ARHGEF11: variants seen among roughly 807,000 people sequenced by gnomAD.
ARHGEF11 encodes the protein Rho guanine nucleotide exchange factor 11.
In ARHGEF11, 55 loss-of-function variants were observed where a neutral mutation model predicts 193.7. That is an observed-to-expected ratio of 0.28 (90% CI 0.23 to 0.36). ARHGEF11 has a LOEUF of 0.36. ARHGEF11 is among the 10% of genes least tolerant of loss of function. ARHGEF11 has a pLI of 1.00. For synonymous variants in ARHGEF11, 693 were observed against 768.0 expected, an observed-to-expected ratio of 0.90 and a Z score of 1.62; for missense variants, 1,723 against 2,005.6, an observed-to-expected ratio of 0.86 and a Z score of 2.69.
chr1:156,937,362 C>A lies in ARHGEF11; in HGVS notation c.4327G>T (p.Gly1443Cys), dbSNP rs201325770. 1.4e-5 allele frequency: 23 copies of A among 1,611,736 alleles called. No individual in the cohort carries two copies. Among genetic ancestry groups the A allele is most frequent in the African/African-American group, 1.3e-4 (10 of 74,998 alleles). Reference sequence around the variant, plus strand: ...CTGGGGCGTCTTGGATCATCGTTGCCTCCCTGCAGCTGAGGCTGAGGCTCT... The same window carrying A: ...CTGGGGCGTCTTGGATCATCGTTGCATCCCTGCAGCTGAGGCTGAGGCTCT... ...QTEPQPQLQG[G>C]NDDPRRPSRS... Residue 1443 changes from glycine (G) to cysteine (C), a missense_variant, in exon 39 of 41, where the codon GGC becomes TGC. Gly to Cys is a radical substitution (Grantham distance 159). Coordinates refer to ENST00000368194, the MANE Select transcript of ARHGEF11 (RefSeq NM_198236.3).
upstream of ARHGEF11, among the ~76,000 whole-genome samples, chr1:157,046,540 G>A (rs1489818740): frequency 6.6e-6 from 1 of 152,096 alleles, no homozygotes; most frequent in Non-Finnish European, 1.5e-5. Context: ...CGTTTCTGTG[G>A]TCCTTCCCAC....
Position 156,935,920 on chromosome 1 carries a change from TC to T in ARHGEF11, c.*79del, listed in dbSNP as rs796109172. 44 of 1,459,082 alleles carry T rather than the reference TC, an allele frequency of 3.0e-5. 1 individual carries two copies. In the African/African-American group the frequency reaches 4.8e-4, roughly 16 times the overall value. 90.4% of individuals were successfully genotyped at this position (1,459,082 alleles called of 1,614,324 possible). ...TCCTCCACAGGGAGGAGTGTTGGGATCCCCCCTACCCTGTGCCCCGGTCTCA... is the reference window on the plus strand; with the variant it reads ...TCCTCCACAGGGAGGAGTGTTGGGATCCCCCTACCCTGTGCCCCGGTCTCA... On this transcript the variant is annotated 3_prime_UTR_variant, in exon 41 of 41. Coordinates refer to ENST00000368194, the MANE Select transcript of ARHGEF11 (RefSeq NM_198236.3).
Position 156,984,425 on chromosome 1 carries a change from C to CG in ARHGEF11, c.136dup (p.Arg46ProfsTer55). 6.3e-7 allele frequency: 1 copy of CG among 1,591,334 alleles called. No individual in the cohort carries two copies. The highest frequency in any genetic ancestry group is 8.6e-7 in the Non-Finnish European group (1 of 1,168,232). ...CTGGTCCTTTTGGATAATGACACAG[C>CG]GTTGAACGAGACCTGGAAGGCGGAG... On this transcript the variant is annotated frameshift_variant, in exon 3 of 41. Coordinates refer to ENST00000368194, the MANE Select transcript of ARHGEF11 (RefSeq NM_198236.3). LOFTEE classifies it high-confidence loss of function.
chr1:157,022,223 G>C (rs1345763050), intron 1 of ARHGEF11, among the ~76,000 whole-genome samples: 1 of 152,152 alleles, frequency 6.6e-6, no homozygotes, highest in Non-Finnish European at 1.5e-5. Context: ...ATCCACGTGG[G>C]AAAGGAAGAA....
At chr1:156,956,392 G>A (rs1037101994) in intron 19 of ARHGEF11, 28 bp downstream of exon 19, 1 of 1,612,884 alleles carries the variant, frequency 6.2e-7, no homozygotes, top group African/African-American at 1.3e-5. Context: ...TAGGATTACA[G>A]GCATGAGCCA....
At chr1:156,951,527 G>T in intron 22 of ARHGEF11, 46 bp downstream of exon 22, 1 of 1,609,488 alleles carries the variant, frequency 6.2e-7, no homozygotes, top group South Asian at 1.1e-5. Flanking sequence ...CCCTGCCCAT[G>T]ACCCACTCTT....
intron 1 of ARHGEF11, among the ~76,000 whole-genome samples, chr1:157,012,177 C>T (rs1162423468): frequency 6.6e-6 from 1 of 152,140 alleles, no homozygotes; most frequent in Admixed American, 6.5e-5. Context: ...CTGATACATG[C>T]TACAACATGG....
intron 1 of ARHGEF11, among the ~76,000 whole-genome samples, chr1:157,043,200 C>A (rs1672969559): frequency 6.6e-6 from 1 of 152,204 alleles, no homozygotes. Context: ...ATGGAGGGAA[C>A]AATTGCTCCC....
intron 26 of ARHGEF11, 40 bp downstream of exon 26, chr1:156,947,264 G>A: frequency 1.9e-6 from 3 of 1,569,908 alleles, no homozygotes; most frequent in Non-Finnish European, 2.6e-6. Context: ...GAAGCTGAAG[G>A]GCAGCAGAAG....
At chr1:156,961,084 C>T in intron 14 of ARHGEF11, among the ~76,000 whole-genome samples, 1 of 152,242 alleles carries the variant, frequency 6.6e-6, no homozygotes, top group East Asian at 1.9e-4. Flanking sequence ...ATAAAGTCAC[C>T]TTGGAATTAG....
chr1:156,952,380 C>A (rs1659242935), intron 21 of ARHGEF11, among the ~76,000 whole-genome samples: 1 of 152,132 alleles, frequency 6.6e-6, no homozygotes, highest in South Asian at 2.1e-4. Context: ...CAACTACAGC[C>A]CCTGGAGAAC....
intron 32 of ARHGEF11, 108 bp downstream of exon 32, chr1:156,943,827 G>A: frequency 1.5e-6 from 2 of 1,344,482 alleles, no homozygotes; most frequent in Non-Finnish European, 2.0e-6. Context: ...AAGGAACACA[G>A]GTGGACAGGT....
intron 7 of ARHGEF11, 52 bp downstream of exon 7, chr1:156,976,931 A>C (rs1026655424): frequency 4.6e-6 from 7 of 1,506,236 alleles, no homozygotes; most frequent in Non-Finnish European, 5.5e-6. Context: ...TGCTCTGATA[A>C]AGTATTATTT....
Position 156,970,020 on chromosome 1 carries a change from G to A in ARHGEF11, c.726C>T (p.Asp242=). 3 of 1,614,006 alleles carry A rather than the reference G, an allele frequency of 1.9e-6. No individual in the cohort carries two copies. Among genetic ancestry groups the A allele is most frequent in the Non-Finnish European group, 2.5e-6 (3 of 1,179,886 alleles). The part of the protein sequence containing the change: ...GSVDILPLYG[D]TSQRPSEGRL... ...TACCTTCTGATGGTCTCTGGCTGGT[G>A]TCACCATATAGTGGAAGTATGTCCT... The change falls in exon 9 of 41, where the codon GAC becomes GAT. Residue 242 remains aspartate, a synonymous_variant. Coordinates refer to ENST00000368194, the MANE Select transcript of ARHGEF11 (RefSeq NM_198236.3).
chr1:156,961,205 C>T (rs929289274), intron 14 of ARHGEF11, among the ~76,000 whole-genome samples: 6 of 152,232 alleles, frequency 3.9e-5, no homozygotes, highest in African/African-American at 7.2e-5. Context: ...CAATGCACAG[C>T]GTGCTGTCTA....
intron 30 of ARHGEF11, 90 bp downstream of exon 30, chr1:156,944,929 T>G (rs1389375587): frequency 6.7e-7 from 1 of 1,500,314 alleles, no homozygotes; most frequent in Admixed American, 2.0e-5. Flanking sequence ...GTCTCCTACC[T>G]CTAAGACTCT....
rs188240844 is a variant in ARHGEF11 at position 156,993,915 on chromosome 1, T to C, written c.33-7742A>G. On this transcript the variant is annotated intron_variant, in intron 1 of 40. Transcript: ENST00000368194. ...GCACCAGAGAAGGTTCACTCCTCAG[T>C]TGGATCACTTTCTAGCTATCCAGCA... Among the ~76,000 whole-genome samples, 786 of 152,230 alleles carry C rather than the reference T, an allele frequency of 5.2e-3. 2 individuals carry two copies. Among genetic ancestry groups the C allele is most frequent in the Middle Eastern group, 0.017 (5 of 294 alleles).
Position 156,979,298 on chromosome 1 carries a change from A to T in ARHGEF11, c.274-12T>A. ...ATGGTGCCGTTGACCTGTTGGAGGG[A>T]CAAACAGTATTGAGTAATGGTAATG... On this transcript the variant is annotated splice_polypyrimidine_tract_variant and intron_variant, in intron 4 of 40. Coordinates refer to ENST00000368194, the MANE Select transcript of ARHGEF11 (RefSeq NM_198236.3). 1 of 1,612,418 alleles carries T rather than the reference A, an allele frequency of 6.2e-7. No individual in the cohort carries two copies. The highest frequency in any genetic ancestry group is 8.5e-7 in the Non-Finnish European group (1 of 1,179,054).
At chr1:156,963,801 G>T in intron 11 of ARHGEF11, 1 of 1,408,094 alleles carries the variant, frequency 7.1e-7, no homozygotes, top group Non-Finnish European at 9.2e-7. Context: ...GGGTGGGGCA[G>T]GGCAGATTCA....
Sources: allele counts gnomAD v4.1 joint callset (sites outside exome capture counted in the v4.1 genomes callset), GRCh38; gene constraint gnomAD v4.1.1; transcripts MANE v1.5; gene names NCBI Gene and HGNC (gene_info 2026-07-23, HGNC 2026-07-21).